Variants in ODAD2 observed in about 807,000 individuals in gnomAD.
ODAD2 encodes outer dynein arm docking complex subunit 2, also known as outer dynein arm-docking complex subunit 2.
Under a neutral mutation model 106.8 loss-of-function variants are expected in ODAD2, and 89 were observed. The observed-to-expected ratio is 0.83, with a 90% CI of 0.70 to 0.99. The LOEUF (loss-of-function observed/expected upper bound fraction) is 0.99, where lower values mean the gene tolerates loss of function less well. Among genes scored for constraint, ODAD2 ranks in the 50% least tolerant of loss-of-function variants. The probability of loss-of-function intolerance (pLI) is 0.00; values close to 1 mark genes in which losing one functional copy is unlikely to be tolerated. For missense variants in ODAD2, 1,168 were observed against 1,238.5 expected (o/e 0.94, Z 0.85); for synonymous variants, 404 against 436.2 (o/e 0.93, Z 0.92).
At chr10:27,893,916 G>A (rs1225652234) in intron 17 of ODAD2, among the ~76,000 whole-genome samples, 3 of 152,124 alleles carry the variant, frequency 2.0e-5, no homozygotes, top group Non-Finnish European at 2.9e-5. Context: ...TTGGGAGGCC[G>A]AGGTGGGTGG....
intron 17 of ODAD2, among the ~76,000 whole-genome samples, chr10:27,863,281 C>T (rs115436737): frequency 0.013 from 1,997 of 152,236 alleles, 43 homozygotes; most frequent in African/African-American, 0.045. Flanking sequence ...CTGGGGGCCA[C>T]TGTGAACAGT....
chr10:27,831,796 CTT>C (rs1198167795), intron 19 of ODAD2, among the ~76,000 whole-genome samples: 1 of 152,230 alleles, frequency 6.6e-6, no homozygotes, highest in Non-Finnish European at 1.5e-5. Flanking sequence ...AGCTGTGTGT[CTT>C]TATGTTTGCA....
chr10:27,846,358 A>T (rs1313275726), intron 19 of ODAD2, among the ~76,000 whole-genome samples: 2 of 152,272 alleles, frequency 1.3e-5, no homozygotes, highest in East Asian at 1.9e-4. Flanking sequence ...AGAAATAAAG[A>T]TGTTCTTTGA....
At chr10:27,864,639 G>A (rs905143799) in intron 17 of ODAD2, among the ~76,000 whole-genome samples, 1 of 151,090 alleles carries the variant, frequency 6.6e-6, no homozygotes, top group African/African-American at 2.4e-5. Context: ...AGAGTGAGGA[G>A]TGGGGTGATA....
At chr10:27,870,624 G>A (rs914171291) in intron 17 of ODAD2, among the ~76,000 whole-genome samples, 1 of 151,984 alleles carries the variant, frequency 6.6e-6, no homozygotes, top group Non-Finnish European at 1.5e-5. Context: ...TTGTCCTTGC[G>A]ATAGTTTGCT....
rs569860327 is a variant in ODAD2, at chr10:27,890,816, T to G, written c.2610+16847A>C. ...ATTATCATTCGTTACTCTAATCTTT[T>G]AGGATTTTAGGATCTGGGGGCCAGA... On this transcript the variant is annotated intron_variant, in intron 17 of 19. Coordinates refer to ENST00000305242, the MANE Select transcript of ODAD2 (RefSeq NM_018076.5). 3.3e-5 allele frequency among the ~76,000 whole-genome samples: 5 copies of G among 152,094 alleles called. No homozygotes were observed. In the East Asian group the frequency reaches 9.6e-4, roughly 29 times the overall value.
chr10:27,954,020 T>A (rs1304888684), intron 10 of ODAD2, among the ~76,000 whole-genome samples: 5 of 152,190 alleles, frequency 3.3e-5, no homozygotes, highest in Non-Finnish European at 7.3e-5. Context: ...GTTTAATATT[T>A]TTCCTGCAAA....
At chr10:27,829,797 T>A (rs1470050417) in intron 19 of ODAD2, among the ~76,000 whole-genome samples, 2 of 152,108 alleles carry the variant, frequency 1.3e-5, no homozygotes, top group Non-Finnish European at 2.9e-5. Context: ...ACTGAATGAG[T>A]TTTAGAACAG....
intron 17 of ODAD2, among the ~76,000 whole-genome samples, chr10:27,888,522 G>T (rs1316589459): frequency 6.6e-6 from 1 of 151,826 alleles, no homozygotes. Flanking sequence ...GGATTATTTT[G>T]TTGTTGAGTT....
chr10:27,933,258 A>G (rs1258618394), intron 16 of ODAD2, among the ~76,000 whole-genome samples: 1 of 152,188 alleles, frequency 6.6e-6, no homozygotes. Flanking sequence ...TCTAAAAAAC[A>G]AACTAAACAA....
intron 19 of ODAD2, among the ~76,000 whole-genome samples, chr10:27,837,124 T>G (rs1218057351): frequency 6.6e-6 from 1 of 152,134 alleles, no homozygotes; most frequent in Non-Finnish European, 1.5e-5. Context: ...GTCCACACAA[T>G]TCCACCGTTA....
intron 1 of ODAD2, among the ~76,000 whole-genome samples, chr10:27,997,312 T>C (rs1299835921): frequency 1.3e-5 from 2 of 152,214 alleles, no homozygotes; most frequent in Non-Finnish European, 2.9e-5. Flanking sequence ...TGTAAAATAG[T>C]GTGAAATAAG....
In ODAD2 at chr10:27,936,787, G is replaced by A. The variant is rs772563349; in HGVS notation, c.2191C>T (p.Arg731Trp). 1.1e-5 allele frequency: 17 copies of A among 1,613,780 alleles called. No individual in the cohort carries two copies. Among genetic ancestry groups the A allele is most frequent in the African/African-American group, 6.7e-5 (5 of 74,860 alleles). The change falls in exon 15 of 20, where the codon CGG becomes TGG. Residue 731 changes from arginine to tryptophan, a missense_variant. Physicochemically the swap from Arg to Trp is moderately radical, Grantham distance 101. Transcript: ENST00000305242. ...SLLNNTDNKE[R>W]LAAVTGAIWK... The stretch of plus-strand genomic sequence containing the variant: ...ATAGCCCCTGTGACAGCAGCTAACC[G>A]CTCTTTATTGTCAGTGTTATTGAGT...
chr10:27,984,716 A>G (rs1156525908), intron 4 of ODAD2, among the ~76,000 whole-genome samples: 1 of 152,190 alleles, frequency 6.6e-6, no homozygotes, highest in Non-Finnish European at 1.5e-5. Context: ...GCAATTTTTA[A>G]TTTTTAGAAC....
intron 16 of ODAD2, among the ~76,000 whole-genome samples, chr10:27,925,791 G>C (rs74781348): frequency 0.023 from 3,571 of 152,172 alleles, 116 homozygotes; most frequent in African/African-American, 0.071. Context: ...ACAAGACAAA[G>C]AGGATCCCTA....
chr10:27,858,802 CA>C (rs1215038654), intron 19 of ODAD2, among the ~76,000 whole-genome samples: 1,167 of 65,176 alleles, frequency 0.018, 23 homozygotes, highest in African/African-American at 0.058. Flanking sequence ...CACCTTAGTA[CA>C]TTTTTTTTTT....
At chr10:27,832,851 T>A (rs1837589375) in intron 19 of ODAD2, among the ~76,000 whole-genome samples, 1 of 152,174 alleles carries the variant, frequency 6.6e-6, no homozygotes, top group African/African-American at 2.4e-5. Context: ...AGCATATCAT[T>A]TTACTGTGAC....
chr10:27,999,169 C>G (rs1369567973), upstream of ODAD2: 1 of 152,236 alleles, frequency 6.6e-6, no homozygotes, highest in African/African-American at 2.4e-5. Context: ...CTTTCTCAAA[C>G]ACTTTTATGC....
intron 6 of ODAD2, chr10:27,981,912 C>T (rs968599913): frequency 6.1e-6 from 1 of 162,638 alleles, no homozygotes; most frequent in Non-Finnish European, 1.3e-5. Context: ...TCTGAAAATG[C>T]ATTATGACCT....
Sources: gnomAD v4.1 joint callset for allele counts (sites outside exome capture counted in the v4.1 genomes callset) on GRCh38, gnomAD v4.1.1 for gene constraint, MANE v1.5 for transcripts, NCBI Gene and HGNC (gene_info 2026-07-23, HGNC 2026-07-21) for gene names.